CNTNAP5: variants seen among roughly 807,000 people sequenced by gnomAD.
CNTNAP5 encodes contactin-associated protein-like 5.
In CNTNAP5, 72 loss-of-function variants were observed where a neutral mutation model predicts 150.2. That is an observed-to-expected ratio of 0.48 (90% confidence interval 0.40 to 0.58). The LOEUF is 0.58. Ranked by LOEUF, CNTNAP5 falls within the 20% of genes least tolerant of loss-of-function variation. The probability of loss-of-function intolerance (pLI) is 0.00; values close to 1 mark genes in which losing one functional copy is unlikely to be tolerated. For synonymous variants in CNTNAP5, 672 were observed against 619.8 expected (o/e 1.08, Z -1.25); for missense variants, 1,636 against 1,626.2 (o/e 1.01, Z -0.10).
intron 6 of CNTNAP5, among the ~76,000 whole-genome samples, chr2:124,465,137 C>A (rs1465140927): frequency 1.3e-5 from 2 of 151,800 alleles, no homozygotes; most frequent in Admixed American, 6.6e-5. Flanking sequence ...CAAGCAAATA[C>A]CAAACCAAAA....
At chr2:124,409,662 C>T (rs1279038516) in intron 3 of CNTNAP5, among the ~76,000 whole-genome samples, 1 of 135,150 alleles carries the variant, frequency 7.4e-6, no homozygotes, top group Admixed American at 7.7e-5. Flanking sequence ...AAATCCTTTA[C>T]AGACAAGCAA....
intron 5 of CNTNAP5, among the ~76,000 whole-genome samples, chr2:124,439,284 A>G (rs1250632587): frequency 6.6e-6 from 1 of 152,194 alleles, no homozygotes; most frequent in African/African-American, 2.4e-5. Context: ...AGAATAGGTT[A>G]AACAAGTACA....
chr2:124,499,584 C>T (rs1373342228), intron 7 of CNTNAP5, among the ~76,000 whole-genome samples: 1 of 152,198 alleles, frequency 6.6e-6, no homozygotes, highest in African/African-American at 2.4e-5. Flanking sequence ...TGACGAGGGA[C>T]ACAATCCAAG....
intron 19 of CNTNAP5, among the ~76,000 whole-genome samples, chr2:124,802,999 C>T (rs1380971436): frequency 6.6e-6 from 1 of 151,692 alleles, no homozygotes; most frequent in Non-Finnish European, 1.5e-5. Flanking sequence ...CCTTTAGTCC[C>T]AGCTACTCGG....
At chr2:124,405,037 G>T (rs1691534928) in intron 3 of CNTNAP5, among the ~76,000 whole-genome samples, 1 of 151,980 alleles carries the variant, frequency 6.6e-6, no homozygotes, top group Non-Finnish European at 1.5e-5. Context: ...AGGTTGTGGG[G>T]GTGGCGGGTG....
chr2:124,222,679 A>T (rs1482561468), intron 2 of CNTNAP5, among the ~76,000 whole-genome samples: 1 of 151,456 alleles, frequency 6.6e-6, no homozygotes, highest in Non-Finnish European at 1.5e-5. Flanking sequence ...AGGTTTTTGC[A>T]ATATTGAACC....
intron 4 of CNTNAP5, among the ~76,000 whole-genome samples, chr2:124,426,101 C>G (rs919631207): frequency 1.3e-5 from 2 of 151,856 alleles, no homozygotes; most frequent in African/African-American, 4.8e-5. Context: ...ACTGTTAGAG[C>G]TAGAATGTAT....
In CNTNAP5 at chr2:124,713,012, G is replaced by T. The variant is rs1679839459; in HGVS notation, c.2078-34217G>T. Among the ~76,000 whole-genome samples, 3 of 152,198 alleles carry T rather than the reference G, an allele frequency of 2.0e-5. No individual in the cohort carries two copies. In the South Asian group the frequency reaches 6.2e-4, roughly 32 times the overall value. On this transcript the variant is annotated intron_variant, in intron 13 of 23. Transcript: ENST00000682447. Reference sequence around the variant, plus strand: ...GAAACCTCCTAATACCATCATCTTGGAGGTAAGGATTTCAACATATGAATT... The same window carrying T: ...GAAACCTCCTAATACCATCATCTTGTAGGTAAGGATTTCAACATATGAATT...
intron 1 of CNTNAP5, among the ~76,000 whole-genome samples, chr2:124,215,426 T>G (rs1198415229): frequency 7.3e-5 from 11 of 151,552 alleles, no homozygotes; most frequent in Non-Finnish European, 2.9e-5. Context: ...GATATCATAT[T>G]TACTTGGAAT....
intron 12 of CNTNAP5, among the ~76,000 whole-genome samples, chr2:124,641,472 A>G (rs1322844203): frequency 6.6e-6 from 1 of 152,208 alleles, no homozygotes; most frequent in Non-Finnish European, 1.5e-5. Context: ...GATAAGGGAG[A>G]AACATATGAA....
intron 13 of CNTNAP5, among the ~76,000 whole-genome samples, chr2:124,660,396 A>G (rs1678561743): frequency 6.6e-6 from 1 of 152,242 alleles, no homozygotes; most frequent in African/African-American, 2.4e-5. Flanking sequence ...TACTGGTTTC[A>G]ATGAACCAAG....
intron 1 of CNTNAP5, among the ~76,000 whole-genome samples, chr2:124,214,637 C>T (rs749984928): frequency 3.9e-5 from 6 of 152,180 alleles, no homozygotes; most frequent in Admixed American, 6.5e-5. Flanking sequence ...CTAGTGCAGG[C>T]AGAAGGCTCA....
intron 1 of CNTNAP5, among the ~76,000 whole-genome samples, chr2:124,079,451 C>CT (rs1328875438): frequency 6.6e-6 from 1 of 152,194 alleles, no homozygotes; most frequent in Non-Finnish European, 1.5e-5. Context: ...TCTAAATCCC[C>CT]TACAGCCTCA....
At chr2:124,429,216 T>C (rs903858276) in intron 4 of CNTNAP5, among the ~76,000 whole-genome samples, 7 of 152,172 alleles carry the variant, frequency 4.6e-5, no homozygotes, top group Non-Finnish European at 8.8e-5. Context: ...AAGTTGGGAG[T>C]GCTGAGTATT....
At chr2:124,612,554 G>T (rs536750784) in intron 12 of CNTNAP5, among the ~76,000 whole-genome samples, 1 of 152,226 alleles carries the variant, frequency 6.6e-6, no homozygotes, top group South Asian at 2.1e-4. Flanking sequence ...ATTTGTCCAA[G>T]AATGGCTAAA....
At chr2:124,107,780 C>G (rs911066344) in intron 1 of CNTNAP5, among the ~76,000 whole-genome samples, 6 of 152,234 alleles carry the variant, frequency 3.9e-5, no homozygotes, top group Non-Finnish European at 8.8e-5. Context: ...ATGCATGACA[C>G]AGCCTCAGGA....
At chr2:124,655,762 G>A (rs1259027074) in intron 13 of CNTNAP5, among the ~76,000 whole-genome samples, 1 of 151,654 alleles carries the variant, frequency 6.6e-6, no homozygotes, top group Non-Finnish European at 1.5e-5. Context: ...TTATCCAGGT[G>A]TGGTGGGGCA....
chr2:124,803,883 A>G (rs1198051697), intron 19 of CNTNAP5, among the ~76,000 whole-genome samples: 2 of 152,126 alleles, frequency 1.3e-5, no homozygotes, highest in Non-Finnish European at 2.9e-5. Context: ...TCAAAGTGTA[A>G]TGCTGCCTCC....
chr2:124,045,608 G>A (rs142845140), intron 1 of CNTNAP5, among the ~76,000 whole-genome samples: 1 of 152,046 alleles, frequency 6.6e-6, no homozygotes, highest in African/African-American at 2.4e-5. Context: ...TTACTAGATA[G>A]TGTTACAACA....
Sources: allele counts gnomAD v4.1 joint callset (sites outside exome capture counted in the v4.1 genomes callset), GRCh38; gene constraint gnomAD v4.1.1; transcripts MANE v1.5; gene names NCBI Gene and HGNC (gene_info 2026-07-23, HGNC 2026-07-21).